BPTF: variants seen among roughly 807,000 people sequenced by gnomAD.
BPTF encodes nucleosome-remodeling factor subunit BPTF.
BPTF carries 18 observed loss-of-function variants against 292.5 expected under a neutral mutation model. The ratio of observed to expected loss-of-function variants is 0.06; its 90% CI spans 0.04 to 0.09. BPTF has a LOEUF of 0.09. BPTF is among the 10% of genes least tolerant of loss of function. The pLI, the probability that BPTF is intolerant of heterozygous loss-of-function variation, is 1.00. For missense variants in BPTF, 2,726 were observed against 3,498.7 expected, an observed-to-expected ratio of 0.78 and a Z score of 5.57; for synonymous variants, 1,225 against 1,251.9, an observed-to-expected ratio of 0.98 and a Z score of 0.45.
At chr17:67,976,157 C>G in intron 27 of BPTF, 199 bp downstream of exon 27, 1 of 429,570 alleles carries the variant, frequency 2.3e-6, no homozygotes, top group Non-Finnish European at 3.9e-6. Flanking sequence ...TGTTGTTGAT[C>G]TACTTAAAGT....
chr17:67,976,684 T>TA (rs1555694045), intron 27 of BPTF, among the ~76,000 whole-genome samples: 6 of 28,398 alleles, frequency 2.1e-4, no homozygotes, highest in Admixed American at 1.1e-3. Context: ...AGACCCTGTC[T>TA]CAAAAAAAAA....
intron 2 of BPTF, among the ~76,000 whole-genome samples, chr17:67,863,185 C>G (rs866942780): frequency 2.0e-5 from 3 of 152,314 alleles, no homozygotes; most frequent in Middle Eastern, 3.4e-3. Flanking sequence ...CAAAGAGAAT[C>G]TGTTCCATGC....
In BPTF at chr17:67,964,796, C is replaced by CG. The variant is rs569351199; in HGVS notation, c.8454+392_8454+393insG. On this transcript the variant is annotated intron_variant, in intron 25 of 27. Transcript: ENST00000306378. ...TGGGCGGATCACAAGGTCAGGAGATCAGACCATCCTGGCTAACACGGTGAA... is the reference window on the plus strand; with the variant it reads ...TGGGCGGATCACAAGGTCAGGAGATCGAGACCATCCTGGCTAACACGGTGAA... Among the ~76,000 whole-genome samples, 1,285 of 151,400 alleles carry CG rather than the reference C, an allele frequency of 8.5e-3. 7 individuals are homozygous for CG. Among genetic ancestry groups the CG allele is most frequent in the South Asian group, 0.028 (132 of 4,776 alleles).
rs186745438 is a variant in BPTF at position 67,964,413 on chromosome 17, C to A, written c.8454+9C>A. ...TGCTCCGTTCCTTACAGGTGAGACC[C>A]CTCTGTGTGCAGCATTTCAAAATGA... On this transcript the variant is annotated intron_variant, in intron 25 of 27. Coordinates refer to ENST00000306378, the MANE Select transcript of BPTF (RefSeq NM_182641.4). The A allele has an allele frequency of 6.3e-7, 1 of 1,593,844 alleles. No homozygotes were observed. The highest frequency in any genetic ancestry group is 1.7e-5 in the Admixed American group (1 of 58,462).
intron 11 of BPTF, among the ~76,000 whole-genome samples, chr17:67,916,780 A>AAG (rs1555654970): frequency 6.6e-6 from 1 of 151,520 alleles, no homozygotes; most frequent in African/African-American, 2.4e-5. Flanking sequence ...AAAAAAAAAA[A>AAG]AAAAAGAAAG....
Position 67,922,974 on chromosome 17 carries a change from A to C in BPTF, c.5692A>C (p.Arg1898=). The C allele has an allele frequency of 6.2e-7, 1 of 1,613,866 alleles. No homozygotes were observed. The highest frequency in any genetic ancestry group is 8.5e-7 in the Non-Finnish European group (1 of 1,179,936). Reference sequence around the variant, plus strand: ...AGAAGAACTGGAATTGTGGGAGATCAGGGCATTTGCTGAGAGGTAAGGAAA... The same window carrying C: ...AGAAGAACTGGAATTGTGGGAGATCCGGGCATTTGCTGAGAGGTAAGGAAA... The part of the protein sequence containing the change: ...AEEELELWEI[R]AFAERVEKEK... Residue 1898 remains arginine (R), a synonymous_variant, in exon 14 of 28, where the codon AGG becomes CGG. Transcript: ENST00000306378.
chr17:67,828,762 A>C (rs1352725380), intron 1 of BPTF, among the ~76,000 whole-genome samples: 1 of 152,208 alleles, frequency 6.6e-6, no homozygotes, highest in Non-Finnish European at 1.5e-5. Context: ...TCCCGACCTC[A>C]GTTGATCCAC....
intron 7 of BPTF, 66 bp downstream of exon 7, chr17:67,894,231 A>ACTTTCATTATTAATAGGC: frequency 6.7e-7 from 1 of 1,501,082 alleles, no homozygotes; most frequent in Non-Finnish European, 9.1e-7. Flanking sequence ...TAGCCTATTA[A>ACTTTCATTATTAATAGGC]TAATGAAAGT....
At chr17:67,862,095 C>T (rs1204416233) in intron 2 of BPTF, among the ~76,000 whole-genome samples, 1 of 152,178 alleles carries the variant, frequency 6.6e-6, no homozygotes, top group Non-Finnish European at 1.5e-5. Flanking sequence ...TCTGCCTCAG[C>T]CTCCCAAGTA....
chr17:67,830,881 G>A (rs1446062978), intron 1 of BPTF, among the ~76,000 whole-genome samples: 1 of 152,190 alleles, frequency 6.6e-6, no homozygotes, highest in Non-Finnish European at 1.5e-5. Flanking sequence ...ACACCCAGAG[G>A]AGTTATGTTG....
intron 11 of BPTF, among the ~76,000 whole-genome samples, chr17:67,915,520 C>G (rs1274931686): frequency 6.6e-6 from 1 of 152,218 alleles, no homozygotes; most frequent in East Asian, 1.9e-4. Flanking sequence ...ACAGCGCATT[C>G]TGGCTTCTGC....
intron 4 of BPTF, among the ~76,000 whole-genome samples, chr17:67,889,892 A>G (rs930694768): frequency 1.3e-5 from 2 of 152,018 alleles, no homozygotes; most frequent in Non-Finnish European, 2.9e-5. Flanking sequence ...CACACATCCA[A>G]AGTGACTTGC....
chr17:67,945,306 C>G (rs2065722893), intron 20 of BPTF, 103 bp from the exon 21 acceptor site: 1 of 1,517,940 alleles, frequency 6.6e-7, no homozygotes, highest in Non-Finnish European at 8.8e-7. Context: ...AGCCACCACG[C>G]CTGGCCAGAA....
chr17:67,873,702 G>A (rs912401024), intron 3 of BPTF, among the ~76,000 whole-genome samples: 2 of 152,042 alleles, frequency 1.3e-5, no homozygotes, highest in Non-Finnish European at 1.5e-5. Context: ...AGACACATAG[G>A]CATTCACTCA....
chr17:67,837,342 T>C (rs2057210838), intron 1 of BPTF, among the ~76,000 whole-genome samples: 1 of 152,162 alleles, frequency 6.6e-6, no homozygotes, highest in Admixed American at 6.5e-5. Context: ...GTGTACCATT[T>C]AAAAGTCTGG....
At chr17:67,883,353 G>A (rs904482823) in intron 4 of BPTF, among the ~76,000 whole-genome samples, 2 of 152,068 alleles carry the variant, frequency 1.3e-5, no homozygotes, top group African/African-American at 4.8e-5. Context: ...GTGTAGTTAT[G>A]CACAACTTGA....
In BPTF at chr17:67,959,870, A is replaced by G. The variant is rs782402128; in HGVS notation, c.8256A>G (p.Glu2752=). The part of the protein sequence containing the change: ...LYCICKTPYD[E]SKFYIGCDRC... ...GTATCTGTAAAACGCCTTATGATGAATCTAAGTGAGTAGATCTTTTTGAGC... is the reference window on the plus strand; with the variant it reads ...GTATCTGTAAAACGCCTTATGATGAGTCTAAGTGAGTAGATCTTTTTGAGC... The change falls in exon 24 of 28, where the codon GAA becomes GAG. Residue 2752 remains glutamate, a synonymous_variant. Coordinates refer to ENST00000306378, the MANE Select transcript of BPTF (RefSeq NM_182641.4). 7.1e-6 allele frequency: 11 copies of G among 1,555,962 alleles called. No homozygotes were observed. Among genetic ancestry groups the G allele is most frequent in the Non-Finnish European group, 8.7e-6 (10 of 1,152,374 alleles).
rs56335701 is a variant in BPTF at position 67,843,754 on chromosome 17, C to CTTTTTTTTTTT, written c.614-10168_614-10158dup. ...TTTTTAAATTGTCTGGAGCAGTTGT[C>CTTTTTTTTTTT]TTTTTTTTTTTTTTTTTTTTTTTTT... is the stretch of plus-strand genomic sequence containing the variant. On this transcript the variant is annotated intron_variant, in intron 1 of 27. Coordinates refer to ENST00000306378, the MANE Select transcript of BPTF (RefSeq NM_182641.4). 1.6e-3 allele frequency among the ~76,000 whole-genome samples: 102 copies of CTTTTTTTTTTT among 62,224 alleles called. 15 individuals carry two copies. Among genetic ancestry groups the CTTTTTTTTTTT allele is most frequent in the African/African-American group, 8.4e-3 (100 of 11,922 alleles). The allele number at this position is 62,224 out of a possible 152,430, so 40.8% of individuals were successfully genotyped here.
chr17:67,913,733 C>T (rs2062805132), intron 11 of BPTF, among the ~76,000 whole-genome samples: 1 of 151,864 alleles, frequency 6.6e-6, no homozygotes, highest in African/African-American at 2.4e-5. Flanking sequence ...TTTTTTAAAC[C>T]CAGAAATAGT....
Sources: allele counts gnomAD v4.1 joint callset (sites outside exome capture counted in the v4.1 genomes callset), GRCh38; gene constraint gnomAD v4.1.1; transcripts MANE v1.5; gene names NCBI Gene and HGNC (gene_info 2026-07-23, HGNC 2026-07-21).